PARP15: variants seen among roughly 807,000 people sequenced by gnomAD.
The protein encoded by PARP15 is poly(ADP-ribose) polymerase family member 15, also known as protein mono-ADP-ribosyltransferase PARP15.
Under a neutral mutation model 62.1 loss-of-function variants are expected in PARP15, and 50 were observed. The ratio of observed to expected loss-of-function variants is 0.81; its 90% CI spans 0.64 to 1.02. PARP15 has a LOEUF of 1.02. PARP15 is among the 50% of genes least tolerant of loss of function. PARP15 has a pLI of 0.00. For synonymous variants in PARP15, 309 were observed against 293.1 expected (o/e 1.05, Z -0.55); for missense variants, 820 against 826.5 (o/e 0.99, Z 0.10).
At chr3:122,615,210 T>A in intron 4 of PARP15, 1 of 1,269,252 alleles carries the variant, frequency 7.9e-7, no homozygotes, top group Non-Finnish European at 1.0e-6. Context: ...CCAAAATGCC[T>A]TTTTGTTTTT....
At chr3:122,591,704 T>TGAGCC (rs1271324264) in intron 1 of PARP15, among the ~76,000 whole-genome samples, 1 of 137,760 alleles carries the variant, frequency 7.3e-6, no homozygotes, top group Non-Finnish European at 1.5e-5. Flanking sequence ...GTTATTGCAG[T>TGAGCC]GAGCCGAGCC....
chr3:122,632,566 C>A (rs1175014434), intron 10 of PARP15, among the ~76,000 whole-genome samples: 1 of 152,202 alleles, frequency 6.6e-6, no homozygotes, highest in Non-Finnish European at 1.5e-5. Flanking sequence ...TGTCCTGGAT[C>A]CAGTTGCTCC....
intron 8 of PARP15, 28 bp from the exon 9 acceptor site, chr3:122,626,799 C>G (rs1489902576): frequency 6.3e-7 from 1 of 1,598,716 alleles, no homozygotes; most frequent in East Asian, 2.2e-5. Context: ...TCGGGGGAAA[C>G]TTCTTTGTCA....
intron 11 of PARP15, 63 bp downstream of exon 11, chr3:122,635,257 C>T (rs969041914): frequency 1.2e-5 from 18 of 1,488,448 alleles, no homozygotes; most frequent in Non-Finnish European, 1.5e-5. Context: ...ACTTTTCATA[C>T]CCAAGCAGTG....
Position 122,626,860 on chromosome 3 carries a change from A to G in PARP15, c.1265A>G (p.Asp422Gly), listed in dbSNP as rs746360461. Residue 422 changes from aspartate to glycine, a missense_variant, in exon 9 of 12, where the codon GAT becomes GGT. Asp to Gly is a moderately conservative substitution (Grantham distance 94). This residue lies in a region of PARP15 where 731 missense variants were observed against 727.7 expected (regional missense o/e 1.00). Transcript: ENST00000464300. Reference protein sequence around the residue: ...NAGKNPITVADNIIDAIVDFS... With the variant: ...NAGKNPITVAGNIIDAIVDFS... ...GGAAAAAACCCTATCACAGTTGCTG[A>G]TAACATAATCGATGCTATTGTAGAC... 14 of 1,613,030 alleles carry G rather than the reference A, an allele frequency of 8.7e-6. No individual in the cohort carries two copies. Among genetic ancestry groups the G allele is most frequent in the Middle Eastern group, 1.6e-4 (1 of 6,082 alleles).
chr3:122,577,774 A>T lies in PARP15; in HGVS notation c.107A>T (p.Asp36Val), dbSNP rs1162233523. Reference protein sequence around the residue: ...VAGVTSRAGRDREAGSVLPAG... With the variant: ...VAGVTSRAGRVREAGSVLPAG... ...GGTGTTACTTCCAGAGCCGGACGAG[A>T]TCGGGAGGCGGGGAGCGTGCTGCCG... The change falls in exon 1 of 12, where the codon GAT becomes GTT. Residue 36 changes from aspartate (D) to valine (V), a missense_variant. Asp to Val is a radical substitution (Grantham distance 152, BLOSUM62 -3). Transcript: ENST00000464300. 2 of 1,551,356 alleles carry T rather than the reference A, an allele frequency of 1.3e-6. No homozygotes were observed. Among genetic ancestry groups the T allele is most frequent in the Non-Finnish European group, 1.7e-6 (2 of 1,146,886 alleles).
At chr3:122,622,679 C>T (rs1936425417) in intron 8 of PARP15, among the ~76,000 whole-genome samples, 3 of 152,190 alleles carry the variant, frequency 2.0e-5, no homozygotes, top group Non-Finnish European at 2.9e-5. Context: ...GAGCAACAAA[C>T]TCAGGTTTGT....
chr3:122,619,633 T>A (rs1936208411), intron 6 of PARP15, 148 bp from the exon 7 acceptor site: 2 of 674,352 alleles, frequency 3.0e-6, no homozygotes, highest in Non-Finnish European at 5.4e-6. Context: ...GGGTGGAGGT[T>A]GCTATAGAAA....
chr3:122,619,856 G>GT lies in PARP15; in HGVS notation c.1063+15dup. ...TGTGCTGTACTAGGTATGGGCACAT[G>GT]TTACTTTTGACTACAAACTTGAAAA... is the stretch of plus-strand genomic sequence containing the variant. On this transcript the variant is annotated intron_variant, in intron 7 of 11. Transcript: ENST00000464300. 1 of 1,607,666 alleles carries GT rather than the reference G, an allele frequency of 6.2e-7. No homozygotes were observed. Among genetic ancestry groups the GT allele is most frequent in the Non-Finnish European group, 8.5e-7 (1 of 1,174,130 alleles).
intron 8 of PARP15, among the ~76,000 whole-genome samples, chr3:122,622,519 A>G (rs1380294176): frequency 6.6e-6 from 1 of 150,874 alleles, no homozygotes; most frequent in Non-Finnish European, 1.5e-5. Flanking sequence ...TTGTTTCCAA[A>G]CTCTTCAGAC....
intron 3 of PARP15, among the ~76,000 whole-genome samples, chr3:122,611,394 C>T (rs550705116): frequency 4.6e-5 from 7 of 152,006 alleles, no homozygotes; most frequent in East Asian, 3.9e-4. Context: ...TGCAGTGGGG[C>T]GCCATCTCAG....
intron 2 of PARP15, 39 bp from the exon 3 acceptor site, chr3:122,610,454 AT>A: frequency 6.8e-7 from 1 of 1,475,656 alleles, no homozygotes; most frequent in Non-Finnish European, 9.2e-7. Context: ...ATCATTATGT[AT>A]TATTGATTCA....
At chr3:122,578,629 T>A (rs1290752439) in intron 1 of PARP15, among the ~76,000 whole-genome samples, 1 of 152,202 alleles carries the variant, frequency 6.6e-6, no homozygotes, top group Non-Finnish European at 1.5e-5. Flanking sequence ...CTGTATGTTT[T>A]AATGTCAGGG....
chr3:122,629,203 CCCAGGCTGGAGTGCAGTG>C (rs1936915128), intron 9 of PARP15, among the ~76,000 whole-genome samples: 1 of 152,116 alleles, frequency 6.6e-6, no homozygotes, highest in Non-Finnish European at 1.5e-5. Context: ...CACTATGTTG[CCCAGGCTGGAGTGCAGTG>C]GTGCAATCTT....
At chr3:122,579,407 C>T (rs2080752081) in intron 1 of PARP15, among the ~76,000 whole-genome samples, 1 of 152,216 alleles carries the variant, frequency 6.6e-6, no homozygotes, top group Admixed American at 6.5e-5. Flanking sequence ...TTAGTGTATA[C>T]TTCTGTGAGT....
At chr3:122,604,988 A>G (rs1935060711) in intron 1 of PARP15, among the ~76,000 whole-genome samples, 1 of 152,226 alleles carries the variant, frequency 6.6e-6, no homozygotes, top group Non-Finnish European at 1.5e-5. Flanking sequence ...GTGAGCCGAG[A>G]TCACGCTACT....
chr3:122,598,624 C>A (rs1414794965), intron 1 of PARP15, among the ~76,000 whole-genome samples: 1 of 152,170 alleles, frequency 6.6e-6, no homozygotes, highest in Non-Finnish European at 1.5e-5. Context: ...TTTTCATACA[C>A]CAGCCTCAGA....
chr3:122,583,158 T>C (rs1933102914), intron 1 of PARP15, among the ~76,000 whole-genome samples: 1 of 148,896 alleles, frequency 6.7e-6, no homozygotes, highest in East Asian at 2.0e-4. Context: ...ATTGCTCTTG[T>C]TGCCCAAGCT....
At chr3:122,634,472 A>G (rs916492935) in intron 10 of PARP15, among the ~76,000 whole-genome samples, 2 of 152,230 alleles carry the variant, frequency 1.3e-5, no homozygotes, top group East Asian at 3.8e-4. Context: ...GTGAAAGAAG[A>G]GCAGAGTTTT....
Sources: allele counts gnomAD v4.1 joint callset (sites outside exome capture counted in the v4.1 genomes callset), GRCh38; gene constraint gnomAD v4.1.1; regional missense constraint gnomAD v4.1.1; transcripts MANE v1.5; gene names NCBI Gene and HGNC (gene_info 2026-07-23, HGNC 2026-07-21).